The following GLIS1 variants were observed in gnomAD, a reference collection of about 807,000 sequenced individuals.
The protein encoded by GLIS1 is GLIS family zinc finger 1, also known as zinc finger protein GLIS1.
In GLIS1, 24 loss-of-function variants were observed where a neutral mutation model predicts 63.8. That is an observed-to-expected ratio of 0.38 (90% CI 0.27 to 0.53). GLIS1 has a LOEUF of 0.53. Among genes scored for constraint, GLIS1 ranks in the 20% least tolerant of loss-of-function variants. The probability of loss-of-function intolerance (pLI) is 0.85; values close to 1 mark genes in which losing one functional copy is unlikely to be tolerated. For missense variants in GLIS1, 1,036 were observed against 1,074.1 expected, an observed-to-expected ratio of 0.96 and a Z score of 0.50; for synonymous variants, 450 against 482.5, an observed-to-expected ratio of 0.93 and a Z score of 0.88.
intron 4 of GLIS1, among the ~76,000 whole-genome samples, chr1:53,588,654 AG>A (rs1343483217): frequency 2.0e-5 from 3 of 152,230 alleles, no homozygotes; most frequent in African/African-American, 7.2e-5. Context: ...TCAAGCCCAC[AG>A]GGCTGGTCTC....
intron 10 of GLIS1, 136 bp downstream of exon 10, chr1:53,508,984 C>T (rs933422471): frequency 2.3e-6 from 2 of 867,554 alleles, no homozygotes; most frequent in African/African-American, 1.7e-5. Context: ...TGAGCCTCTA[C>T]TTCCCCCTCT....
chr1:53,662,662 A>T (rs1646041822), intron 2 of GLIS1, among the ~76,000 whole-genome samples: 1 of 152,104 alleles, frequency 6.6e-6, no homozygotes, highest in Non-Finnish European at 1.5e-5. Context: ...CCACATTGCC[A>T]TTGTAATCAG....
At chr1:53,518,530 G>T (rs1450878499) in intron 7 of GLIS1, among the ~76,000 whole-genome samples, 1 of 152,208 alleles carries the variant, frequency 6.6e-6, no homozygotes, top group African/African-American at 2.4e-5. Flanking sequence ...GTCACATAGG[G>T]TTTATGTAAG....
chr1:53,663,918 G>A (rs2950241), intron 2 of GLIS1, among the ~76,000 whole-genome samples: 100,314 of 150,680 alleles, frequency 0.67, 34,464 homozygotes, highest in Non-Finnish European at 0.75. Context: ...CAGGCGCCTC[G>A]AGGGAACCGG....
chr1:53,738,156 G>T, intron 1 of GLIS1, 50 bp from the exon 2 acceptor site: 1 of 1,113,196 alleles, frequency 9.0e-7, no homozygotes. Flanking sequence ...AGCGGCCCCC[G>T]TATTGTCCCG....
rs58301999 is a variant in GLIS1 at position 53,513,413 on chromosome 1, C to T, written c.1883+1212G>A. Among the ~76,000 whole-genome samples the T allele has an allele frequency of 1.2e-3, 189 of 152,280 alleles. 1 individual carries two copies. The highest frequency in any genetic ancestry group is 4.5e-3 in the African/African-American group (185 of 41,534). On this transcript the variant is annotated intron_variant, in intron 8 of 10. Transcript: ENST00000628545. ...CCTTGGGATCTGGACCTGGCGACAT[C>T]GCTCCCAAGTTCGTCACCCCACACA...
rs886602316 is a variant in GLIS1, at chr1:53,548,476, G to A, written c.1321-18524C>T. Among the ~76,000 whole-genome samples, 12 of 152,300 alleles carry A rather than the reference G, an allele frequency of 7.9e-5. No homozygotes were observed. In the South Asian group the frequency reaches 1.0e-3, roughly 13 times the overall value. ...AATACCCACAACCTCGACTCATCCC[G>A]TGACAACGCTGCCATGCCACCAGGG... On this transcript the variant is annotated intron_variant, in intron 4 of 10. Coordinates refer to ENST00000628545, the MANE Select transcript of GLIS1 (RefSeq NM_001367484.1).
intron 4 of GLIS1, among the ~76,000 whole-genome samples, chr1:53,542,723 C>T (rs1644656342): frequency 6.6e-6 from 1 of 152,364 alleles, no homozygotes; most frequent in South Asian, 2.1e-4. Flanking sequence ...AGCTCTGCCC[C>T]TTCACCCCTG....
At chr1:53,545,116 C>A (rs1311155213) in intron 4 of GLIS1, among the ~76,000 whole-genome samples, 3 of 152,202 alleles carry the variant, frequency 2.0e-5, no homozygotes, top group Non-Finnish European at 4.4e-5. Flanking sequence ...AATCCTGATT[C>A]CCCTCCAATT....
chr1:53,640,396 C>G (rs1645773711), intron 2 of GLIS1, among the ~76,000 whole-genome samples: 1 of 152,214 alleles, frequency 6.6e-6, no homozygotes, highest in African/African-American at 2.4e-5. Context: ...GGTTTAAAAG[C>G]AGGCAAGTGA....
At position 53,704,096 on chromosome 1, in the gene GLIS1, C is replaced by A. The variant is rs35766340; in HGVS notation, c.259+33710G>T. ...CAGTGTTGCCTACTAAACAAACAACCCTTCTCCCTCAGTGGCACTTGTGCA... is the reference window on the plus strand; with the variant it reads ...CAGTGTTGCCTACTAAACAAACAACACTTCTCCCTCAGTGGCACTTGTGCA... On this transcript the variant is annotated intron_variant, in intron 2 of 10. Transcript: ENST00000628545. Among the ~76,000 whole-genome samples, 11 of 152,366 alleles carry A rather than the reference C, an allele frequency of 7.2e-5. No homozygotes were observed. In the East Asian group the frequency reaches 2.1e-3, roughly 29 times the overall value.
intron 2 of GLIS1, among the ~76,000 whole-genome samples, chr1:53,714,438 A>T (rs1057132739): frequency 2.6e-5 from 4 of 152,210 alleles, no homozygotes; most frequent in Non-Finnish European, 5.9e-5. Flanking sequence ...ATCTCACCTG[A>T]GCCTCACCAG....
At chr1:53,570,419 G>C (rs1644973860) in intron 4 of GLIS1, among the ~76,000 whole-genome samples, 1 of 152,114 alleles carries the variant, frequency 6.6e-6, no homozygotes, top group Non-Finnish European at 1.5e-5. Flanking sequence ...ACTGCACCTG[G>C]CTTCGTGGAA....
chr1:53,517,699 C>G (rs940864757), intron 7 of GLIS1, among the ~76,000 whole-genome samples: 1 of 152,176 alleles, frequency 6.6e-6, no homozygotes, highest in African/African-American at 2.4e-5. Flanking sequence ...GAGCATCCTG[C>G]AATTGGACAA....
In GLIS1 at chr1:53,539,251, C is replaced by G. The variant is rs80055733; in HGVS notation, c.1321-9299G>C. On this transcript the variant is annotated intron_variant, in intron 4 of 10. Coordinates refer to ENST00000628545, the MANE Select transcript of GLIS1 (RefSeq NM_001367484.1). This position sits in a 1 kb window ranked among gnomAD's most constrained non-coding sequence, Gnocchi z 5.0. ...CAACACACACACATGGATTCACACA[C>G]ACACACACACCAAGACCCAGAAACT... Among the ~76,000 whole-genome samples, 1 of 150,314 alleles carries G rather than the reference C, an allele frequency of 6.7e-6. No homozygotes were observed. Among genetic ancestry groups the G allele is most frequent in the Non-Finnish European group, 1.5e-5 (1 of 67,664 alleles).
chr1:53,614,945 A>G (rs1417531900), intron 2 of GLIS1, among the ~76,000 whole-genome samples: 1 of 152,118 alleles, frequency 6.6e-6, no homozygotes, highest in Non-Finnish European at 1.5e-5. Flanking sequence ...CATTCTCTGT[A>G]AATTTACTGT....
At chr1:53,514,451 G>A (rs1038722583) in intron 8 of GLIS1, among the ~76,000 whole-genome samples, 174 bp downstream of exon 8, 1 of 152,148 alleles carries the variant, frequency 6.6e-6, no homozygotes, top group Non-Finnish European at 1.5e-5. Context: ...AGGCACCAAC[G>A]GAATCATGCA....
chr1:53,644,198 G>A (rs1006112775), intron 2 of GLIS1, among the ~76,000 whole-genome samples: 16 of 152,076 alleles, frequency 1.1e-4, no homozygotes, highest in Non-Finnish European at 1.8e-4. Context: ...CTAGGCTGCC[G>A]GGTCACCCTC....
intron 2 of GLIS1, among the ~76,000 whole-genome samples, chr1:53,666,887 C>T (rs1646099316): frequency 6.6e-6 from 1 of 152,128 alleles, no homozygotes; most frequent in Non-Finnish European, 1.5e-5. Context: ...TTCAACCTGC[C>T]CTAGAACCAG....
Sources: gnomAD v4.1 joint callset for allele counts (sites outside exome capture counted in the v4.1 genomes callset) on GRCh38, gnomAD v4.1.1 for gene constraint, Gnocchi (gnomAD v3.1) non-coding constraint, MANE v1.5 for transcripts, NCBI Gene and HGNC (gene_info 2026-07-23, HGNC 2026-07-21) for gene names.